AKR1C2: variants seen among roughly 807,000 people sequenced by gnomAD.
AKR1C2 encodes aldo-keto reductase family 1 member C2.
A neutral mutation model predicts 39.8 loss-of-function variants in AKR1C2; 27 were observed. That is an observed-to-expected ratio of 0.68 (90% CI 0.50 to 0.93). The LOEUF is 0.93. Ranked by LOEUF, AKR1C2 falls within the 40% of genes least tolerant of loss-of-function variation. The pLI, the probability that AKR1C2 is intolerant of heterozygous loss-of-function variation, is 0.00. For missense variants in AKR1C2, 263 were observed against 365.1 expected, an observed-to-expected ratio of 0.72 and a Z score of 2.28; for synonymous variants, 114 against 137.9, an observed-to-expected ratio of 0.83 and a Z score of 1.22.
intron 8 of AKR1C2, among the ~76,000 whole-genome samples, chr10:4,990,950 G>A (rs1836819970): frequency 6.6e-6 from 1 of 151,136 alleles, no homozygotes; most frequent in African/African-American, 2.5e-5. Context: ...GGGTACTTAT[G>A]ATGTACCATT....
intron 7 of AKR1C2, among the ~76,000 whole-genome samples, chr10:4,994,215 T>G (rs1197947887): frequency 2.0e-5 from 3 of 152,002 alleles, no homozygotes; most frequent in Non-Finnish European, 4.4e-5. Flanking sequence ...GTATTCTGGA[T>G]GTTAATTCTT....
chr10:5,011,414 T>C (rs1426633935), intron 1 of AKR1C2, among the ~76,000 whole-genome samples: 1 of 152,252 alleles, frequency 6.6e-6, no homozygotes, highest in Non-Finnish European at 1.5e-5. Context: ...ACTGCACTTG[T>C]AAACTTTAAT....
At chr10:5,010,667 CA>C (rs1588310894) in intron 1 of AKR1C2, 6 of 152,132 alleles carry the variant, frequency 3.9e-5, no homozygotes, top group African/African-American at 1.2e-4. Flanking sequence ...TAGTTCATGC[CA>C]AGGGCAAGGG....
intron 1 of AKR1C2, among the ~76,000 whole-genome samples, chr10:5,002,775 C>T (rs1295912995): frequency 1.3e-5 from 2 of 152,198 alleles, no homozygotes; most frequent in African/African-American, 4.8e-5. Flanking sequence ...CAGCCCTCTC[C>T]TCATACCATC....
At chr10:5,002,590 C>T (rs1253336019) in intron 1 of AKR1C2, among the ~76,000 whole-genome samples, 3 of 152,182 alleles carry the variant, frequency 2.0e-5, no homozygotes, top group Admixed American at 6.5e-5. Flanking sequence ...TGTCAGGAAA[C>T]ATATGATTGC....
At chr10:5,001,819 C>G in intron 1 of AKR1C2, 138 bp from the exon 2 acceptor site, 1 of 1,159,782 alleles carries the variant, frequency 8.6e-7, no homozygotes, top group Non-Finnish European at 1.2e-6. Context: ...AAGCCCATCC[C>G]AGTCTGACTG....
chr10:5,000,413 G>A (rs782523949), intron 3 of AKR1C2, 137 bp downstream of exon 3: 1 of 1,575,704 alleles, frequency 6.3e-7, no homozygotes, highest in East Asian at 2.4e-5. Flanking sequence ...AAAGGAATTA[G>A]GAGTTATGTT....
At chr10:5,013,716 A>T (rs1288578634) in intron 1 of AKR1C2, 1 of 152,268 alleles carries the variant, frequency 6.6e-6, no homozygotes, top group Non-Finnish European at 1.5e-5. Flanking sequence ...TATGTATAAC[A>T]TACAATTCAT....
chr10:4,998,181 C>G (rs1459214638), intron 5 of AKR1C2, among the ~76,000 whole-genome samples: 1 of 150,460 alleles, frequency 6.6e-6, no homozygotes, highest in African/African-American at 2.4e-5. Context: ...CTGAGACATC[C>G]GAAGCCCATG....
At chr10:5,000,231 G>A in intron 3 of AKR1C2, 2 of 1,439,828 alleles carry the variant, frequency 1.4e-6, no homozygotes, top group Non-Finnish European at 1.8e-6. Context: ...CTGTGTCTGT[G>A]AACATCCCAA....
chr10:5,017,645 C>A (rs1445627431), intron 1 of AKR1C2, among the ~76,000 whole-genome samples: 1 of 152,198 alleles, frequency 6.6e-6, no homozygotes, highest in Non-Finnish European at 1.5e-5. Flanking sequence ...CTTCATCTTT[C>A]CATCTTCTTC....
upstream of AKR1C2, among the ~76,000 whole-genome samples, chr10:5,005,100 A>ATG: frequency 6.6e-6 from 1 of 152,186 alleles, no homozygotes; most frequent in African/African-American, 2.4e-5. Context: ...CCAGGGGAAG[A>ATG]GACATGCAAT....
At chr10:4,990,715 T>C (rs1386167600) in intron 8 of AKR1C2, among the ~76,000 whole-genome samples, 2 of 152,176 alleles carry the variant, frequency 1.3e-5, no homozygotes, top group Non-Finnish European at 2.9e-5. Context: ...CCTTTGTGAT[T>C]ACACCGAGAG....
upstream of AKR1C2, among the ~76,000 whole-genome samples, chr10:5,008,644 A>G (rs190849525): frequency 1.1e-3 from 171 of 152,358 alleles, no homozygotes; most frequent in African/African-American, 3.9e-3. Context: ...GGAGATGGGA[A>G]GAGGGAGGAA....
upstream of AKR1C2, chr10:5,007,565 T>A (rs1324203500): frequency 6.7e-6 from 1 of 149,330 alleles, no homozygotes; most frequent in Non-Finnish European, 1.5e-5. Context: ...AATCCAGATT[T>A]TAGCAAAGAA....
At chr10:5,016,057 C>T (rs1837633083) in intron 1 of AKR1C2, among the ~76,000 whole-genome samples, 1 of 152,148 alleles carries the variant, frequency 6.6e-6, no homozygotes, top group Non-Finnish European at 1.5e-5. Context: ...GATTCAATCA[C>T]CTCCCACCAG....
In AKR1C2 at chr10:4,999,638, C is replaced by T. The variant is rs545616390; in HGVS notation, c.370-361G>A. On this transcript the variant is annotated intron_variant, in intron 3 of 8. Coordinates refer to ENST00000380753, the MANE Select transcript of AKR1C2 (RefSeq NM_001393392.1). Reference sequence around the variant, plus strand: ...AGATATAATGGATTGTACTTTTTACCCAGGTGCCACTATCAGAGTTCTTTA... The same window carrying T: ...AGATATAATGGATTGTACTTTTTACTCAGGTGCCACTATCAGAGTTCTTTA... 1.6e-3 allele frequency: 281 copies of T among 177,184 alleles called. 2 individuals carry two copies. Among genetic ancestry groups the T allele is most frequent in the African/African-American group, 6.4e-3 (266 of 41,450 alleles). The allele number at this position is 177,184 out of a possible 1,614,324, so 11.0% of individuals were successfully genotyped here. A position where few individuals can be genotyped will look rare whatever the true frequency, so the allele number is the denominator to read the frequency against.
chr10:4,996,976 A>C (rs11252871), intron 5 of AKR1C2, among the ~76,000 whole-genome samples: 17,242 of 151,898 alleles, frequency 0.11, 1,216 homozygotes, highest in Non-Finnish European at 0.16. Flanking sequence ...TTGTCATGGG[A>C]ATATGACTTC....
upstream of AKR1C2, among the ~76,000 whole-genome samples, chr10:5,006,839 A>C (rs1170197000): frequency 4.0e-5 from 6 of 150,416 alleles, no homozygotes; most frequent in Non-Finnish European, 5.9e-5. Flanking sequence ...GCAGTGGTAC[A>C]TCTCAGCTCA....
Sources: allele counts gnomAD v4.1 joint callset (sites outside exome capture counted in the v4.1 genomes callset), GRCh38; gene constraint gnomAD v4.1.1; transcripts MANE v1.5; gene names NCBI Gene and HGNC (gene_info 2026-07-23, HGNC 2026-07-21).